The following NAV1 variants were observed in gnomAD, a reference collection of about 807,000 sequenced individuals.
NAV1 encodes the protein pore membrane and/or filament interacting like protein 3.
Under a neutral mutation model 175.2 loss-of-function variants are expected in NAV1, and 18 were observed. The observed-to-expected ratio is 0.10, with a 90% CI of 0.07 to 0.15. The LOEUF is 0.15. NAV1 is among the 10% of genes least tolerant of loss of function. The probability of loss-of-function intolerance (pLI) is 1.00; values close to 1 mark genes in which losing one functional copy is unlikely to be tolerated. For missense variants in NAV1, 1,731 were observed against 2,436.6 expected (o/e 0.71, Z 6.10); for synonymous variants, 897 against 978.7 (o/e 0.92, Z 1.56).
At chr1:201,577,798 C>G (rs952925017) in intron 1 of NAV1, among the ~76,000 whole-genome samples, 1 of 151,904 alleles carries the variant, frequency 6.6e-6, no homozygotes, top group African/African-American at 2.4e-5. Flanking sequence ...TTTTATTTTC[C>G]CCCCAGCACT....
intron 3 of NAV1, among the ~76,000 whole-genome samples, chr1:201,725,857 C>A (rs1385274047): frequency 3.9e-5 from 6 of 152,044 alleles, no homozygotes; most frequent in African/African-American, 1.2e-4. Context: ...ACTCAGGAGG[C>A]TGAAGAGGGA....
At chr1:201,591,665 C>G (rs1205695604) in intron 2 of NAV1, among the ~76,000 whole-genome samples, 1 of 152,154 alleles carries the variant, frequency 6.6e-6, no homozygotes, top group African/African-American at 2.4e-5. Flanking sequence ...CACCCTGGGC[C>G]CCACCCCAGC....
intron 2 of NAV1, among the ~76,000 whole-genome samples, chr1:201,606,606 A>G (rs537174240): frequency 2.0e-5 from 3 of 152,234 alleles, no homozygotes; most frequent in Non-Finnish European, 4.4e-5. Context: ...CTCTTCATGG[A>G]CAGAAAGTTC....
At chr1:201,593,439 T>C (rs1318332169) in intron 2 of NAV1, among the ~76,000 whole-genome samples, 1 of 152,206 alleles carries the variant, frequency 6.6e-6, no homozygotes, top group Non-Finnish European at 1.5e-5. Flanking sequence ...TCTACCTCTG[T>C]TTTCTTTGGC....
At chr1:201,773,359 ATTT>A (rs1473048571) in intron 3 of NAV1, among the ~76,000 whole-genome samples, 1 of 152,300 alleles carries the variant, frequency 6.6e-6, no homozygotes, top group East Asian at 1.9e-4. Flanking sequence ...AGGCTGCAGA[ATTT>A]TTATTTTATC....
At chr1:201,648,345 CCTTT>C in exon 1 of NAV1, 1 of 1,193,274 alleles carries the variant, frequency 8.4e-7, no homozygotes, top group Non-Finnish European at 1.0e-6. Context: ...TTCCATCCTT[CCTTT>C]GACTGATTTT....
rs552702802 is a variant in NAV1, at chr1:201,811,292, A to G, written c.4798-311A>G. Among the ~76,000 whole-genome samples, 4 of 152,262 alleles carry G rather than the reference A, an allele frequency of 2.6e-5. No homozygotes were observed. The East Asian group carries it at 5.8e-4, about 22-fold the overall frequency. On this transcript the variant is annotated intron_variant, in intron 24 of 29. Coordinates refer to ENST00000367296, the Ensembl canonical transcript of NAV1. ...CCCTAATACAATGGAGTTGGTTCAGATCTTTGCTCTTCCCAGCTCGGGGAG... is the reference window on the plus strand; with the variant it reads ...CCCTAATACAATGGAGTTGGTTCAGGTCTTTGCTCTTCCCAGCTCGGGGAG...
At chr1:201,569,955 C>T (rs1397594308) in intron 1 of NAV1, among the ~76,000 whole-genome samples, 2 of 152,218 alleles carry the variant, frequency 1.3e-5, no homozygotes, top group African/African-American at 4.8e-5. Flanking sequence ...AAAGACAACA[C>T]CTGCCCTGTC....
At chr1:201,607,115 CTTT>C (rs914962230) in intron 2 of NAV1, among the ~76,000 whole-genome samples, 3 of 130,274 alleles carry the variant, frequency 2.3e-5, no homozygotes, top group African/African-American at 2.9e-5. Context: ...TAATTTTTTT[CTTT>C]TTTTTTTTTT....
At chr1:201,614,434 T>C (rs1261694982) in intron 2 of NAV1, among the ~76,000 whole-genome samples, 2 of 152,134 alleles carry the variant, frequency 1.3e-5, no homozygotes, top group African/African-American at 4.8e-5. Flanking sequence ...GCCAGGAACT[T>C]GCGACTGGCC....
At chr1:201,678,403 T>C (rs1332416229) in intron 1 of NAV1, among the ~76,000 whole-genome samples, 1 of 152,176 alleles carries the variant, frequency 6.6e-6, no homozygotes, top group Non-Finnish European at 1.5e-5. Context: ...AATAGTTTGA[T>C]CAGTCTTTAC....
intron 3 of NAV1, among the ~76,000 whole-genome samples, chr1:201,729,282 C>A (rs941520766): frequency 2.6e-5 from 4 of 152,202 alleles, no homozygotes; most frequent in Non-Finnish European, 5.9e-5. Flanking sequence ...AGCTGTTTAT[C>A]TATTTTAAGC....
At chr1:201,764,459 G>A (rs1675065303) in intron 3 of NAV1, among the ~76,000 whole-genome samples, 1 of 152,168 alleles carries the variant, frequency 6.6e-6, no homozygotes, top group African/African-American at 2.4e-5. Flanking sequence ...GCTCTCTGGT[G>A]TCTCCTTTTT....
At chr1:201,549,807 G>A (rs940426839) in intron 1 of NAV1, among the ~76,000 whole-genome samples, 1 of 150,846 alleles carries the variant, frequency 6.6e-6, no homozygotes, top group Non-Finnish European at 1.5e-5. Context: ...TCAGGAGATC[G>A]AGAACATCCT....
upstream of NAV1, among the ~76,000 whole-genome samples, chr1:201,647,028 T>C (rs1448947987): frequency 6.6e-6 from 1 of 152,162 alleles, no homozygotes; most frequent in Non-Finnish European, 1.5e-5. Context: ...GATAATCTGA[T>C]GGTTAGACAT....
At position 201,539,399 on chromosome 1, in the gene NAV1, C is replaced by T. The variant is rs915107987; in HGVS notation, c.-144+57C>T. ...CGCGGCGCTGAGGGTCTGGCGCTTC[C>T]CGTTTTGCGAGGCTTGGCTGGCAGG... On this transcript the variant is annotated intron_variant, in intron 1 of 33. Transcript: ENST00000685211. This position sits in a 1 kb window ranked among gnomAD's most constrained non-coding sequence, Gnocchi z 5.6. Among the ~76,000 whole-genome samples the T allele has an allele frequency of 2.0e-4, 31 of 152,112 alleles. No homozygotes were observed. Among genetic ancestry groups the T allele is most frequent in the Admixed American group, 1.5e-3 (23 of 15,280 alleles).
At chr1:201,704,074 G>A (rs937799464) in intron 1 of NAV1, among the ~76,000 whole-genome samples, 1 of 152,192 alleles carries the variant, frequency 6.6e-6, no homozygotes, top group African/African-American at 2.4e-5. Flanking sequence ...AACCTCCCTG[G>A]TGCCGAAGGC....
chr1:201,555,650 A>G (rs868704503), intron 1 of NAV1, among the ~76,000 whole-genome samples: 47 of 151,568 alleles, frequency 3.1e-4, no homozygotes, highest in Middle Eastern at 3.4e-3. Context: ...CTGCGCCATC[A>G]CCCCTACCTT....
chr1:201,772,468 C>G (rs1675650270), intron 3 of NAV1, among the ~76,000 whole-genome samples: 2 of 152,072 alleles, frequency 1.3e-5, no homozygotes, highest in African/African-American at 2.4e-5. Context: ...AATAGGAATC[C>G]TGGGGAACAT....
Sources: allele counts gnomAD v4.1 joint callset (sites outside exome capture counted in the v4.1 genomes callset), GRCh38; gene constraint gnomAD v4.1.1; non-coding constraint Gnocchi (gnomAD v3.1); transcripts MANE v1.5; gene names NCBI Gene and HGNC (gene_info 2026-07-23, HGNC 2026-07-21).